The following CPEB2 variants were observed in gnomAD, a reference collection of about 807,000 sequenced individuals.
CPEB2 encodes the protein cytoplasmic polyadenylation element binding protein 2, also known as cytoplasmic polyadenylation element-binding protein 2.
CPEB2 carries 56 observed loss-of-function variants against 93.6 expected under a neutral mutation model. The observed-to-expected ratio is 0.60, with a 90% CI of 0.48 to 0.75. CPEB2 has a LOEUF of 0.75. CPEB2 is among the 30% of genes least tolerant of loss of function. The pLI, the probability that CPEB2 is intolerant of heterozygous loss-of-function variation, is 0.00. For synonymous variants in CPEB2, 764 were observed against 586.3 expected (o/e 1.30, Z -4.38); for missense variants, 1,579 against 1,395.1 (o/e 1.13, Z -2.10).
At chr4:15,037,130 G>C (rs999346831) in intron 5 of CPEB2, among the ~76,000 whole-genome samples, 7 of 151,988 alleles carry the variant, frequency 4.6e-5, no homozygotes, top group Non-Finnish European at 1.0e-4. Flanking sequence ...GTGAAACCCC[G>C]TCTCTACTAA....
In CPEB2 at chr4:15,042,724, G is replaced by GGTGTA. The variant is rs1218460382; in HGVS notation, c.2200+2237_2200+2238insGTGTA. 3.3e-5 allele frequency among the ~76,000 whole-genome samples: 5 copies of GGTGTA among 152,292 alleles called. No homozygotes were observed. The East Asian group carries it at 9.7e-4, about 29-fold the overall frequency. ...AAAGTACACTGAAACGGTAAGTAAT[G>GGTGTA]CAATTTTTTTAAAACCTGCATACCA... On this transcript the variant is annotated intron_variant, in intron 6 of 11. Coordinates refer to ENST00000538197, the MANE Select transcript of CPEB2 (RefSeq NM_001177382.2).
At chr4:15,010,341 C>A (rs1051870409) in intron 3 of CPEB2, among the ~76,000 whole-genome samples, 2 of 152,144 alleles carry the variant, frequency 1.3e-5, no homozygotes, top group African/African-American at 2.4e-5. Flanking sequence ...TGCCCCACCC[C>A]CCTTGCCTCT....
At position 15,009,786 on chromosome 4, in the gene CPEB2, A is replaced by G. The variant is rs138011548; in HGVS notation, c.2034+1359A>G. ...CATACATGGTCCATGAGGCAGGGAC[A>G]GATGTTGAGAAATCAGATTATTGAG... On this transcript the variant is annotated intron_variant, in intron 3 of 11. Coordinates refer to ENST00000538197, the MANE Select transcript of CPEB2 (RefSeq NM_001177382.2). 3.7e-4 allele frequency among the ~76,000 whole-genome samples: 56 copies of G among 152,340 alleles called. 1 individual carries two copies. The East Asian group carries it at 0.01, about 28-fold the overall frequency.
intron 4 of CPEB2, among the ~76,000 whole-genome samples, chr4:15,026,638 A>G (rs13140166): frequency 0.46 from 69,558 of 152,090 alleles, 17,389 homozygotes; most frequent in East Asian, 0.75. Flanking sequence ...CATGATGTCA[A>G]ACAAATAGGA....
At chr4:15,019,561 T>C (rs9291634) in intron 4 of CPEB2, among the ~76,000 whole-genome samples, 41,276 of 151,838 alleles carry the variant, frequency 0.27, 6,483 homozygotes, top group Middle Eastern at 0.5. Context: ...TCATCTCTTG[T>C]CTCTTACCTT....
At chr4:15,052,198 AC>A (rs1297893802) in intron 6 of CPEB2, among the ~76,000 whole-genome samples, 2 of 151,896 alleles carry the variant, frequency 1.3e-5, no homozygotes, top group Non-Finnish European at 2.9e-5. Flanking sequence ...TTAATTGTTG[AC>A]ATATGACTAT....
chr4:15,017,298 A>T lies in CPEB2; in HGVS notation c.2125+20A>T. Reference sequence around the variant, plus strand: ...TTAAGGGTAGGTGACTTTTTAAAAAAATATATGTTTATATTATACACCAAT... The same window carrying T: ...TTAAGGGTAGGTGACTTTTTAAAAATATATATGTTTATATTATACACCAAT... On this transcript the variant is annotated intron_variant, in intron 4 of 11. Transcript: ENST00000538197. 2.2e-6 allele frequency: 3 copies of T among 1,343,790 alleles called. No homozygotes were observed. Among genetic ancestry groups the T allele is most frequent in the South Asian group, 1.2e-5 (1 of 80,180 alleles). 83.2% of individuals were successfully genotyped at this position (1,343,790 alleles called of 1,614,324 possible). A position where few individuals can be genotyped will look rare whatever the true frequency, so the allele number is the denominator to read the frequency against.
In CPEB2 at chr4:15,003,661, C is replaced by G. The variant is rs779997202; in HGVS notation, c.988C>G (p.Pro330Ala). The G allele has an allele frequency of 6.8e-7, 1 of 1,471,412 alleles. No individual in the cohort carries two copies. The highest frequency in any genetic ancestry group is 9.0e-7 in the Non-Finnish European group (1 of 1,114,664). The allele number at this position is 1,471,412 out of a possible 1,614,324, so 91.1% of individuals were successfully genotyped here. A position where few individuals can be genotyped will look rare whatever the true frequency, so the allele number is the denominator to read the frequency against. ...GCTCAACAGTCCCAGTAACCTCCTG[C>G]CCGGAGGTGCGCTTGGCGCGGGCGC... ...PLLNSPSNLLPGGALGAGAFS... is the reference protein window; with the variant it reads ...PLLNSPSNLLAGGALGAGAFS... The change falls in exon 1 of 12, where the codon CCC becomes GCC. Residue 330 changes from proline to alanine, a missense_variant. Physicochemically the swap from Pro to Ala is conservative, Grantham distance 27. This residue lies in a region of CPEB2 where 1,411 missense variants were observed against 1,056.0 expected (regional missense o/e 1.34). Transcript: ENST00000538197.
In CPEB2 at chr4:15,020,767, A is replaced by G. The variant is rs567072710; in HGVS notation, c.2125+3489A>G. ...ACTGCACGTTGTCGGAGACAGACAT[A>G]GTGTCTGCCCTCATTGTATAGCCTA... On this transcript the variant is annotated intron_variant, in intron 4 of 11. Coordinates refer to ENST00000538197, the MANE Select transcript of CPEB2 (RefSeq NM_001177382.2). Among the ~76,000 whole-genome samples, 135 of 152,282 alleles carry G rather than the reference A, an allele frequency of 8.9e-4. 2 individuals are homozygous for G. Among genetic ancestry groups the G allele is most frequent in the African/African-American group, 3.1e-3 (127 of 41,588 alleles).
At chr4:15,052,644 T>C (rs568884528) in intron 7 of CPEB2, 60 bp downstream of exon 7, 14 of 1,125,866 alleles carry the variant, frequency 1.2e-5, no homozygotes, top group African/African-American at 7.9e-5. Flanking sequence ...CAAAAAGATA[T>C]GAAATTTAAT....
rs56945294 is a variant in CPEB2, at chr4:15,018,936, T to TTATA, written c.2125+1689_2125+1692dup. Among the ~76,000 whole-genome samples, 1,254 of 132,976 alleles carry TTATA rather than the reference T, an allele frequency of 9.4e-3. 9 individuals carry two copies. Among genetic ancestry groups the TTATA allele is most frequent in the Middle Eastern group, 0.013 (3 of 240 alleles). The allele number at this position is 132,976 out of a possible 152,430, so 87.2% of individuals were successfully genotyped here. A position where few individuals can be genotyped will look rare whatever the true frequency, so the allele number is the denominator to read the frequency against. Reference sequence around the variant, plus strand: ...AAGCATTATAAGGCTAAGGGGAATTTTATATATATATATATATATATATAT... The same window carrying TTATA: ...AAGCATTATAAGGCTAAGGGGAATTTTATATATATATATATATATATATATATAT... On this transcript the variant is annotated intron_variant, in intron 4 of 11. Coordinates refer to ENST00000538197, the MANE Select transcript of CPEB2 (RefSeq NM_001177382.2).
intron 8 of CPEB2, among the ~76,000 whole-genome samples, chr4:15,056,122 A>G (rs536628047): frequency 1.3e-5 from 2 of 152,300 alleles, no homozygotes; most frequent in East Asian, 1.9e-4. Context: ...GTGAATGTTC[A>G]TATTCTCAAT....
intron 11 of CPEB2, among the ~76,000 whole-genome samples, chr4:15,065,148 G>A (rs1729589300): frequency 1.3e-5 from 2 of 151,944 alleles, no homozygotes; most frequent in African/African-American, 4.8e-5. Flanking sequence ...CTAGTTTGTT[G>A]TTGTTCTTAC....
Position 15,032,824 on chromosome 4 carries a change from C to G in CPEB2, c.2126-337C>G, listed in dbSNP as rs7658164. Among the ~76,000 whole-genome samples the G allele has an allele frequency of 6.6e-3, 1,011 of 152,112 alleles. 12 individuals are homozygous for G. The highest frequency in any genetic ancestry group is 0.023 in the African/African-American group (951 of 41,528). On this transcript the variant is annotated intron_variant, in intron 4 of 11. Coordinates refer to ENST00000538197, the MANE Select transcript of CPEB2 (RefSeq NM_001177382.2). Reference sequence around the variant, plus strand: ...ACAACTTTGAAAAAATTTAAAAATTCACATTTCATATTAAATTTGCAAGAC... The same window carrying G: ...ACAACTTTGAAAAAATTTAAAAATTGACATTTCATATTAAATTTGCAAGAC...
intron 7 of CPEB2, among the ~76,000 whole-genome samples, chr4:15,053,705 T>A (rs1728453356): frequency 6.6e-6 from 1 of 152,166 alleles, no homozygotes; most frequent in African/African-American, 2.4e-5. Flanking sequence ...TTTTTCAACA[T>A]TGTAGTTATT....
intron 5 of CPEB2, among the ~76,000 whole-genome samples, 188 bp from the exon 6 acceptor site, chr4:15,040,276 C>T (rs1391106030): frequency 6.6e-6 from 1 of 152,106 alleles, no homozygotes; most frequent in Non-Finnish European, 1.5e-5. Flanking sequence ...ATATATTTAC[C>T]TATAAATAAA....
intron 4 of CPEB2, among the ~76,000 whole-genome samples, chr4:15,031,362 A>C (rs549851039): frequency 6.6e-6 from 1 of 152,236 alleles, no homozygotes; most frequent in Admixed American, 6.5e-5. Context: ...CTGCAGCAAG[A>C]TGTTTAGAAA....
chr4:15,037,561 G>GT (rs905510323), intron 5 of CPEB2, among the ~76,000 whole-genome samples: 10 of 152,038 alleles, frequency 6.6e-5, no homozygotes, highest in Admixed American at 5.2e-4. Flanking sequence ...TCCTGTTTTT[G>GT]TTTTTTGTAG....
chr4:15,014,802 C>G (rs1353758467), intron 3 of CPEB2, among the ~76,000 whole-genome samples: 1 of 151,980 alleles, frequency 6.6e-6, no homozygotes. Context: ...GTGGGACAGA[C>G]AGGAAAATCA....
Sources: gnomAD v4.1 joint callset for allele counts (sites outside exome capture counted in the v4.1 genomes callset) on GRCh38, gnomAD v4.1.1 for gene constraint, gnomAD v4.1.1 regional missense constraint, MANE v1.5 for transcripts, NCBI Gene and HGNC (gene_info 2026-07-23, HGNC 2026-07-21) for gene names.